BMAL1: variants seen among roughly 807,000 people sequenced by gnomAD.
BMAL1 encodes the protein basic helix-loop-helix ARNT-like protein 1.
chr11:13,294,119 C>A, the BMAL1 span, among the ~76,000 whole-genome samples: 2 of 151,668 alleles, frequency 1.3e-5, no homozygotes, highest in Non-Finnish European at 2.9e-5. Flanking sequence ...AGTTTTATTT[C>A]TTTTTCTTTT....
chr11:13,377,788 C>T, the BMAL1 span, among the ~76,000 whole-genome samples: 3 of 152,314 alleles, frequency 2.0e-5, no homozygotes, highest in East Asian at 5.8e-4. Flanking sequence ...AAGTTTTAAC[C>T]TGCCTCAGTG....
chr11:13,380,327 G>A, the BMAL1 span: 1 of 152,194 alleles, frequency 6.6e-6, no homozygotes, highest in Non-Finnish European at 1.5e-5. Context: ...AAAGACTTCT[G>A]GGTGGTGGAG....
the BMAL1 span, chr11:13,356,897 G>A: frequency 1.6e-5 from 26 of 1,590,774 alleles, no homozygotes; most frequent in Non-Finnish European, 2.1e-5. Flanking sequence ...CAAGGAGGCC[G>A]TGAGCCTGTG....
the BMAL1 span, among the ~76,000 whole-genome samples, chr11:13,377,655 C>T: frequency 6.6e-6 from 1 of 152,198 alleles, no homozygotes; most frequent in Non-Finnish European, 1.5e-5. Context: ...CTTGTGGAAA[C>T]TGTCCAAATT....
chr11:13,371,597 G>GT, the BMAL1 span, among the ~76,000 whole-genome samples: 2 of 152,200 alleles, frequency 1.3e-5, no homozygotes, highest in Non-Finnish European at 2.9e-5. Context: ...TGATTTTGCT[G>GT]TTTCTGCACT....
the BMAL1 span, among the ~76,000 whole-genome samples, chr11:13,288,021 G>A: frequency 2.0e-5 from 3 of 152,158 alleles, no homozygotes; most frequent in African/African-American, 7.2e-5. Context: ...AACTGGTCAG[G>A]TTTTCACCTT....
the BMAL1 span, among the ~76,000 whole-genome samples, chr11:13,357,801 C>G: frequency 3.3e-5 from 5 of 152,224 alleles, no homozygotes; most frequent in Admixed American, 2.6e-4. This position sits in a 1 kb window ranked among gnomAD's most constrained non-coding sequence, Gnocchi z 4.8. Flanking sequence ...GGACCATCAC[C>G]AATGGCAGGT....
the BMAL1 span, among the ~76,000 whole-genome samples, chr11:13,383,223 A>C: frequency 6.6e-6 from 1 of 152,186 alleles, no homozygotes; most frequent in Admixed American, 6.5e-5. Context: ...CATAGGTCGC[A>C]AGAGAGTACA....
the BMAL1 span, among the ~76,000 whole-genome samples, chr11:13,330,163 C>G: frequency 2.0e-5 from 3 of 152,202 alleles, no homozygotes; most frequent in Admixed American, 2.0e-4. Flanking sequence ...GCCAAAGCAG[C>G]AGGCCTTGAT....
At chr11:13,353,110 T>C in the BMAL1 span, 2 of 152,256 alleles carry the variant, frequency 1.3e-5, no homozygotes, top group African/African-American at 4.8e-5. Context: ...TGCCTGGCCG[T>C]GATAGAGGGG....
chr11:13,323,765 C>T, the BMAL1 span, among the ~76,000 whole-genome samples: 9 of 152,064 alleles, frequency 5.9e-5, no homozygotes, highest in African/African-American at 2.2e-4. Flanking sequence ...TACAGTCGTG[C>T]GCTACCACTC....
chr11:13,297,927 T>TG, the BMAL1 span, among the ~76,000 whole-genome samples: 1 of 152,188 alleles, frequency 6.6e-6, no homozygotes. Context: ...CCCGCTACTG[T>TG]GCATTCTTTA....
the BMAL1 span, among the ~76,000 whole-genome samples, chr11:13,367,222 G>A: frequency 3.3e-5 from 5 of 152,148 alleles, no homozygotes; most frequent in African/African-American, 1.2e-4. Context: ...TTCAACCAAA[G>A]TGTTCCTCCT....
the BMAL1 span, chr11:13,356,230 C>G: frequency 2.7e-4 from 123 of 455,526 alleles, 1 homozygote; most frequent in Non-Finnish European, 3.7e-4. Flanking sequence ...GAAAAGCTGC[C>G]TGGGGCTCTG....
the BMAL1 span, among the ~76,000 whole-genome samples, chr11:13,278,939 G>T: frequency 1.3e-5 from 2 of 152,226 alleles, no homozygotes; most frequent in African/African-American, 4.8e-5. Context: ...CCTCCCCGAG[G>T]GGTCGCGAGA....
chr11:13,377,092 G>A, the BMAL1 span, among the ~76,000 whole-genome samples: 6 of 152,068 alleles, frequency 3.9e-5, no homozygotes, highest in African/African-American at 2.4e-5. Context: ...GGTGTCTTTC[G>A]GCACCAGGGT....
chr11:13,278,763 G>T, the BMAL1 span, among the ~76,000 whole-genome samples: 1 of 152,264 alleles, frequency 6.6e-6, no homozygotes, highest in Non-Finnish European at 1.5e-5. Flanking sequence ...GAGCTCCGCG[G>T]AGGGCGCAGC....
the BMAL1 span, among the ~76,000 whole-genome samples, chr11:13,362,582 T>C: frequency 8.2e-4 from 125 of 152,072 alleles, no homozygotes; most frequent in African/African-American, 2.9e-3. Context: ...ATAAACACTT[T>C]AGGGTGGGAC....
the BMAL1 span, among the ~76,000 whole-genome samples, chr11:13,283,115 T>G: frequency 6.6e-6 from 1 of 152,224 alleles, no homozygotes; most frequent in African/African-American, 2.4e-5. Context: ...GGTTTTTACC[T>G]TAGTATGTGC....
Sources: allele counts gnomAD v4.1 joint callset (sites outside exome capture counted in the v4.1 genomes callset), GRCh38; gene constraint gnomAD v4.1.1; non-coding constraint Gnocchi (gnomAD v3.1); transcripts MANE v1.5; gene names NCBI Gene and HGNC (gene_info 2026-07-23, HGNC 2026-07-21).